CACNA1E: variants seen among roughly 807,000 people sequenced by gnomAD.
CACNA1E encodes the protein calcium voltage-gated channel subunit alpha1 E.
CACNA1E carries 40 observed loss-of-function variants against 259.2 expected under a neutral mutation model. The observed-to-expected ratio is 0.15, with a 90% confidence interval of 0.12 to 0.20. The LOEUF is 0.20. Ranked by LOEUF, CACNA1E falls within the 10% of genes least tolerant of loss-of-function variation. The pLI, the probability that CACNA1E is intolerant of heterozygous loss-of-function variation, is 1.00. For synonymous variants in CACNA1E, 1,104 were observed against 1,138.5 expected (o/e 0.97, Z 0.61); for missense variants, 1,874 against 3,040.1 (o/e 0.62, Z 9.02).
At chr1:181,725,054 C>A (rs1323792787) in intron 17 of CACNA1E, among the ~76,000 whole-genome samples, 1 of 152,200 alleles carries the variant, frequency 6.6e-6, no homozygotes, top group Admixed American at 6.5e-5. Context: ...CTGTTCCCTT[C>A]TTTTCTCTGA....
At chr1:181,712,718 T>C (rs1476840687) in intron 8 of CACNA1E, among the ~76,000 whole-genome samples, 1 of 151,978 alleles carries the variant, frequency 6.6e-6, no homozygotes, top group African/African-American at 2.4e-5. Context: ...AGGCTTACCA[T>C]GGGAGGTCAA....
intron 1 of CACNA1E, among the ~76,000 whole-genome samples, chr1:181,384,022 C>T (rs771657272): frequency 2.6e-5 from 4 of 152,188 alleles, no homozygotes; most frequent in Admixed American, 6.5e-5. Context: ...GGAAATGGAG[C>T]GAATGTGACT....
intron 6 of CACNA1E, among the ~76,000 whole-genome samples, chr1:181,640,940 T>G (rs561889356): frequency 2.0e-5 from 3 of 152,218 alleles, no homozygotes; most frequent in Non-Finnish European, 4.4e-5. Flanking sequence ...CTAATGGGAA[T>G]GGAGGACCAA....
chr1:181,765,154 C>T (rs1256848670), intron 34 of CACNA1E, among the ~76,000 whole-genome samples: 2 of 150,382 alleles, frequency 1.3e-5, no homozygotes, highest in East Asian at 3.9e-4. Flanking sequence ...CTATACCTCC[C>T]CCACCCTCCC....
At chr1:181,696,920 T>G (rs1651766254) in intron 7 of CACNA1E, among the ~76,000 whole-genome samples, 1 of 152,216 alleles carries the variant, frequency 6.6e-6, no homozygotes, top group Non-Finnish European at 1.5e-5. Flanking sequence ...AATTACTGTT[T>G]GATAATATAA....
At chr1:181,347,783 C>T (rs72729325) in intron 1 of CACNA1E, among the ~76,000 whole-genome samples, 11,240 of 152,304 alleles carry the variant, frequency 0.074, 574 homozygotes, top group African/African-American at 0.14. Context: ...TGGGGGATAG[C>T]CCCTTCACCA....
At chr1:181,729,639 C>T (rs759308579) in intron 18 of CACNA1E, among the ~76,000 whole-genome samples, 65 of 152,144 alleles carry the variant, frequency 4.3e-4, no homozygotes, top group Non-Finnish European at 7.8e-4. Context: ...TATTGTGAGG[C>T]GTACACAAGG....
intron 7 of CACNA1E, among the ~76,000 whole-genome samples, chr1:181,700,818 T>A (rs1652172367): frequency 6.6e-6 from 1 of 152,248 alleles, no homozygotes. Flanking sequence ...TCCTTCTGTG[T>A]ATTGAGTCAC....
chr1:181,332,937 G>A (rs1651402265), intron 1 of CACNA1E, among the ~76,000 whole-genome samples: 1 of 152,182 alleles, frequency 6.6e-6, no homozygotes, highest in Non-Finnish European at 1.5e-5. Flanking sequence ...ACCAGAAGAG[G>A]TCCATGCAGA....
Position 181,423,662 on chromosome 1 carries a change from A to ATGTTTTTTTTT in CACNA1E, c.434+10083_434+10084insGTTTTTTTTTT, listed in dbSNP as rs1430665143. ...GGTGAATTTAAGGGCCATTGGGCCA[A>ATGTTTTTTTTT]TTTTTTTTTTTTTTTTGCTGGCCTT... On this transcript the variant is annotated intron_variant, in intron 2 of 11. Transcript: ENST00000524607. Among the ~76,000 whole-genome samples, 149 of 130,998 alleles carry ATGTTTTTTTTT rather than the reference A, an allele frequency of 1.1e-3. 2 individuals are homozygous for ATGTTTTTTTTT. The highest frequency in any genetic ancestry group is 4.4e-3 in the African/African-American group (143 of 32,814). The allele number at this position is 130,998 out of a possible 152,430, so 85.9% of individuals were successfully genotyped here. A position where few individuals can be genotyped will look rare whatever the true frequency, so the allele number is the denominator to read the frequency against.
At chr1:181,702,589 C>T (rs1652378449) in intron 7 of CACNA1E, among the ~76,000 whole-genome samples, 1 of 152,148 alleles carries the variant, frequency 6.6e-6, no homozygotes, top group Non-Finnish European at 1.5e-5. Flanking sequence ...TGCCTGCTAC[C>T]ACTCTGACCT....
chr1:181,653,009 A>G (rs978199972), intron 7 of CACNA1E, among the ~76,000 whole-genome samples: 1 of 152,040 alleles, frequency 6.6e-6, no homozygotes, highest in Non-Finnish European at 1.5e-5. Flanking sequence ...CTGTCTGAAG[A>G]GAAGGGACAA....
chr1:181,473,166 A>G (rs1046554843), intron 2 of CACNA1E, among the ~76,000 whole-genome samples: 2 of 152,158 alleles, frequency 1.3e-5, no homozygotes, highest in South Asian at 4.2e-4. Context: ...CTATGACTGA[A>G]CAACTATCCT....
intron 6 of CACNA1E, among the ~76,000 whole-genome samples, chr1:181,617,665 G>A (rs1451771881): frequency 6.6e-6 from 1 of 152,106 alleles, no homozygotes; most frequent in Non-Finnish European, 1.5e-5. Flanking sequence ...TAAGTATATA[G>A]CATGTTCTTT....
chr1:181,339,741 A>C (rs2102628145), intron 1 of CACNA1E, among the ~76,000 whole-genome samples: 1 of 152,232 alleles, frequency 6.6e-6, no homozygotes, highest in African/African-American at 2.4e-5. Context: ...GTGAGATTCC[A>C]CATCTTTAAA....
chr1:181,751,347 C>T (rs1657576642), intron 26 of CACNA1E, among the ~76,000 whole-genome samples: 1 of 152,188 alleles, frequency 6.6e-6, no homozygotes, highest in African/African-American at 2.4e-5. Context: ...AGCTGTAGGG[C>T]CAGGATAAAG....
intron 7 of CACNA1E, among the ~76,000 whole-genome samples, chr1:181,703,027 A>G (rs1265555969): frequency 1.3e-5 from 2 of 152,010 alleles, no homozygotes; most frequent in Non-Finnish European, 2.9e-5. Flanking sequence ...TGAACTCTTG[A>G]CCTCAAGCCA....
intron 7 of CACNA1E, among the ~76,000 whole-genome samples, chr1:181,665,530 G>T (rs1648133113): frequency 6.6e-6 from 1 of 152,062 alleles, no homozygotes; most frequent in Non-Finnish European, 1.5e-5. Context: ...ATAAGTTCTG[G>T]TGTTCTATTG....
intron 6 of CACNA1E, among the ~76,000 whole-genome samples, chr1:181,602,903 C>G (rs147904824): frequency 2.0e-5 from 3 of 152,150 alleles, no homozygotes; most frequent in African/African-American, 7.2e-5. Context: ...TCCATACTTA[C>G]GCATGAAAAT....
Sources: gnomAD v4.1 joint callset for allele counts (sites outside exome capture counted in the v4.1 genomes callset) on GRCh38, gnomAD v4.1.1 for gene constraint, MANE v1.5 for transcripts, NCBI Gene and HGNC (gene_info 2026-07-23, HGNC 2026-07-21) for gene names.